The following ABCF1 variants were observed in gnomAD, a reference collection of about 807,000 sequenced individuals.
The protein encoded by ABCF1 is ATP-binding cassette sub-family F member 1.
A neutral mutation model predicts 126.3 loss-of-function variants in ABCF1; 73 were observed. The observed-to-expected ratio is 0.58, with a 90% confidence interval of 0.48 to 0.70. ABCF1 has a LOEUF of 0.70. Ranked by LOEUF, ABCF1 falls within the 30% of genes least tolerant of loss-of-function variation. The pLI, the probability that ABCF1 is intolerant of heterozygous loss-of-function variation, is 0.00. For missense variants in ABCF1, 786 were observed against 1,057.5 expected (o/e 0.74, Z 3.56); for synonymous variants, 345 against 396.4 (o/e 0.87, Z 1.54).
chr6:30,590,177 T>C lies in ABCF1; in HGVS notation c.2262T>C (p.Ala754=), dbSNP rs1469751806. The C allele has an allele frequency of 6.2e-7, 1 of 1,612,998 alleles. No homozygotes were observed. The highest frequency in any genetic ancestry group is 8.5e-7 in the Non-Finnish European group (1 of 1,180,034). The change falls in exon 23 of 25, where the codon GCT becomes GCC. Residue 754 remains alanine, a synonymous_variant. Coordinates refer to ENST00000326195, the MANE Select transcript of ABCF1 (RefSeq NM_001025091.2). ...SGGQKARVVF[A]ELACREPDVL... ...GTCAGAAGGCGCGAGTTGTGTTTGC[T>C]GAGCTGGCCTGTCGGGAACCTGATG...
chr6:30,579,854 T>C (rs1161739212), intron 6 of ABCF1, 77 bp from the exon 7 acceptor site: 6 of 1,453,168 alleles, frequency 4.1e-6, no homozygotes, highest in Non-Finnish European at 5.7e-6. Context: ...GTAGACTCTC[T>C]AGAAATGCTT....
intron 1 of ABCF1, among the ~76,000 whole-genome samples, chr6:30,575,258 TG>T (rs1801440538): frequency 6.6e-6 from 1 of 151,886 alleles, no homozygotes; most frequent in Non-Finnish European, 1.5e-5. Context: ...TTAGTAGAGA[TG>T]GGGTTTCACC....
Position 30,585,249 on chromosome 6 carries a change from C to A in ABCF1, c.1392-11C>A. On this transcript the variant is annotated splice_polypyrimidine_tract_variant and intron_variant, in intron 14 of 24. Transcript: ENST00000326195. ...TCTCCCTGACCCTGCCCTCTGCTAC[C>A]CACCCTCTAGGGCACTGTTCATGGA... The A allele has an allele frequency of 1.2e-6, 2 of 1,612,212 alleles. No individual in the cohort carries two copies. Among genetic ancestry groups the A allele is most frequent in the Non-Finnish European group, 1.7e-6 (2 of 1,179,020 alleles).
At position 30,578,407 on chromosome 6, in the gene ABCF1, C is replaced by G. The variant is rs759275452; in HGVS notation, c.381+22C>G. 5 of 1,613,970 alleles carry G rather than the reference C, an allele frequency of 3.1e-6. No homozygotes were observed. The Admixed American group carries it at 8.3e-5, about 27-fold the overall frequency. On this transcript the variant is annotated intron_variant, in intron 5 of 24. Coordinates refer to ENST00000326195, the MANE Select transcript of ABCF1 (RefSeq NM_001025091.2). ...CAAGGTAAGCCATCTGTGTGGTAAA[C>G]GGAGACTCCAAGGATGCAACCTTGA...
chr6:30,571,739 A>G (rs879395149), intron 1 of ABCF1, among the ~76,000 whole-genome samples, 179 bp downstream of exon 1: 3 of 152,076 alleles, frequency 2.0e-5, no homozygotes, highest in Non-Finnish European at 2.9e-5. Flanking sequence ...ATCGGGGTTA[A>G]AGGAAAGAGA....
chr6:30,590,916 C>T lies in ABCF1; in HGVS notation c.*215C>T. 1.9e-6 allele frequency: 1 copy of T among 524,050 alleles called. No homozygotes were observed. Among genetic ancestry groups the T allele is most frequent in the Non-Finnish European group, 3.3e-6 (1 of 305,088 alleles). The allele number at this position is 524,050 out of a possible 1,614,324, so 32.5% of individuals were successfully genotyped here. On this transcript the variant is annotated 3_prime_UTR_variant, in exon 25 of 25. Transcript: ENST00000326195. ...GTTTGTTCTGCTTCTCTTCATATAA[C>T]TGAGCTGGCCTTATCCTTGGCATCC... is the stretch of plus-strand genomic sequence containing the variant.
intron 1 of ABCF1, among the ~76,000 whole-genome samples, chr6:30,573,113 C>G (rs2269709): frequency 6.6e-6 from 1 of 151,996 alleles, no homozygotes; most frequent in Non-Finnish European, 1.5e-5. Context: ...AAGATGGAGG[C>G]GGGGAGACCA....
At chr6:30,587,293 A>G (rs114683462) in intron 20 of ABCF1, among the ~76,000 whole-genome samples, 4,163 of 151,034 alleles carry the variant, frequency 0.028, 106 homozygotes, top group African/African-American at 0.063. Flanking sequence ...GCCCACGCCT[A>G]TAATCCCAAC....
At chr6:30,576,119 ATGTG>A (rs1491440060) in intron 1 of ABCF1, among the ~76,000 whole-genome samples, 1 of 149,714 alleles carries the variant, frequency 6.7e-6, no homozygotes, top group African/African-American at 2.5e-5. Flanking sequence ...TGTTGTATAC[ATGTG>A]TGTGTATCTA....
rs1348161570 is a variant in ABCF1 at position 30,575,367 on chromosome 6, CA to C, written c.74-2040del. Among the ~76,000 whole-genome samples the C allele has an allele frequency of 1.5e-4, 11 of 71,108 alleles. No homozygotes were observed. In the South Asian group the frequency reaches 2.5e-3, roughly 16 times the overall value. 46.6% of individuals were successfully genotyped at this position (71,108 alleles called of 152,430 possible). A position where few individuals can be genotyped will look rare whatever the true frequency, so the allele number is the denominator to read the frequency against. The stretch of plus-strand genomic sequence containing the variant: ...ACAGGCCTGAGCCGCCGCACCCGAC[CA>C]ATTTTTTTTTTTTTAATATTAAATA... On this transcript the variant is annotated intron_variant, in intron 1 of 24. Coordinates refer to ENST00000326195, the MANE Select transcript of ABCF1 (RefSeq NM_001025091.2).
At chr6:30,575,655 G>C (rs1376591219) in intron 1 of ABCF1, among the ~76,000 whole-genome samples, 3 of 152,064 alleles carry the variant, frequency 2.0e-5, no homozygotes, top group African/African-American at 7.2e-5. Flanking sequence ...ACACAGACAG[G>C]TAAATATGAC....
chr6:30,588,654 C>T (rs117474927), intron 20 of ABCF1, among the ~76,000 whole-genome samples: 2,973 of 152,064 alleles, frequency 0.02, 236 homozygotes, highest in East Asian at 0.17. Context: ...CCACCACGCC[C>T]GGCAAACTCT....
chr6:30,586,153 C>T lies in ABCF1; in HGVS notation c.1733C>T (p.Ala578Val), dbSNP rs2127415540. The part of the protein sequence containing the change: ...TKQAEKQTKE[A>V]LTRKQQKCRR... ...CTCCAGGAAAAACAAACGAAGGAAG[C>T]CCTGACTCGGAAGCAGCAGAAATGC... The change falls in exon 18 of 25, where the codon GCC (alanine) becomes GTC (valine). Residue 578 changes from alanine (A) to valine (V), a missense_variant. Transcript: ENST00000326195. The surrounding 1 kb of genome is among the most constrained non-coding windows in gnomAD (Gnocchi z 4.9). 1.2e-6 allele frequency: 2 copies of T among 1,612,898 alleles called. No homozygotes were observed. The highest frequency in any genetic ancestry group is 1.7e-6 in the Non-Finnish European group (2 of 1,179,596).
Position 30,584,032 on chromosome 6 carries a change from G to A in ABCF1, c.1102+142G>A, listed in dbSNP as rs1430270797. 1 of 1,387,390 alleles carries A rather than the reference G, an allele frequency of 7.2e-7. No individual in the cohort carries two copies. Among genetic ancestry groups the A allele is most frequent in the Non-Finnish European group, 9.9e-7 (1 of 1,009,682 alleles). The allele number at this position is 1,387,390 out of a possible 1,614,324, so 85.9% of individuals were successfully genotyped here. ...TGGAGACCGGGAAAGGGATGCTAAGGAAAGGAGGGGAGGGTCAATGAGGAA... is the reference window on the plus strand; with the variant it reads ...TGGAGACCGGGAAAGGGATGCTAAGAAAAGGAGGGGAGGGTCAATGAGGAA... On this transcript the variant is annotated intron_variant, in intron 12 of 24. Coordinates refer to ENST00000326195, the MANE Select transcript of ABCF1 (RefSeq NM_001025091.2). The surrounding 1 kb of genome is among the most constrained non-coding windows in gnomAD (Gnocchi z 4.6).
At chr6:30,582,585 G>T in intron 9 of ABCF1, 78 bp downstream of exon 9, 2 of 1,479,362 alleles carry the variant, frequency 1.4e-6, no homozygotes, top group Non-Finnish European at 9.3e-7. Flanking sequence ...TTGGGGACAC[G>T]AAGGAAAGGT....
At position 30,574,988 on chromosome 6, in the gene ABCF1, A is replaced by G. The variant is rs1801421864; in HGVS notation, c.74-2421A>G. 6.6e-6 allele frequency among the ~76,000 whole-genome samples: 1 copy of G among 152,086 alleles called. No homozygotes were observed. Among genetic ancestry groups the G allele is most frequent in the Non-Finnish European group, 1.5e-5 (1 of 68,022 alleles). On this transcript the variant is annotated intron_variant, in intron 1 of 24. Coordinates refer to ENST00000326195, the MANE Select transcript of ABCF1 (RefSeq NM_001025091.2). This position sits in a 1 kb window ranked among gnomAD's most constrained non-coding sequence, Gnocchi z 4.3. Reference sequence around the variant, plus strand: ...TAGATGCACCATAAAACTTTCCTGAATAAATGATTACTTTGAAATACATGG... The same window carrying G: ...TAGATGCACCATAAAACTTTCCTGAGTAAATGATTACTTTGAAATACATGG...
intron 20 of ABCF1, among the ~76,000 whole-genome samples, chr6:30,587,124 C>T (rs780122229): frequency 6.6e-6 from 1 of 152,006 alleles, no homozygotes; most frequent in African/African-American, 2.4e-5. Context: ...TGCGGTGGCG[C>T]GCACCTATAT....
rs1289693063 is a variant in ABCF1 at position 30,590,390 on chromosome 6, G to A, written c.2371+12G>A. 6 of 1,602,686 alleles carry A rather than the reference G, an allele frequency of 3.7e-6. No individual in the cohort carries two copies. Among genetic ancestry groups the A allele is most frequent in the Non-Finnish European group, 5.1e-6 (6 of 1,174,252 alleles). ...TGAATACAAGGGTGGTAAGTCAGCT[G>A]AGAGTGTGCCCTCATCCCTGCTCCA... On this transcript the variant is annotated intron_variant, in intron 24 of 24. Transcript: ENST00000326195.
rs1561786010 is a variant in ABCF1, at chr6:30,577,892, GCAGCAGCAA to G, written c.201_209del (p.Gln71_Gln73del). On this transcript the variant is annotated inframe_deletion, in exon 3 of 25. Transcript: ENST00000326195. ...AAGTGCTCAAGGAGAAGGAGCAGCA[GCAGCAGCAA>G]CAGCAACAGCAGGTACAAGTGCCAC... 6.2e-7 allele frequency: 1 copy of G among 1,614,056 alleles called. No individual in the cohort carries two copies. The highest frequency in any genetic ancestry group is 8.5e-7 in the Non-Finnish European group (1 of 1,180,024).
Sources: gnomAD v4.1 joint callset for allele counts (sites outside exome capture counted in the v4.1 genomes callset) on GRCh38, gnomAD v4.1.1 for gene constraint, Gnocchi (gnomAD v3.1) non-coding constraint, MANE v1.5 for transcripts, NCBI Gene and HGNC (gene_info 2026-07-23, HGNC 2026-07-21) for gene names.